The following LMBR1 variants were observed in gnomAD, a reference collection of about 807,000 sequenced individuals.
LMBR1 encodes the protein limb development membrane protein 1, also known as limb region 1 protein homolog.
In LMBR1, 52 loss-of-function variants were observed where a neutral mutation model predicts 73.9. The ratio of observed to expected loss-of-function variants is 0.70; its 90% CI spans 0.56 to 0.89. LMBR1 has a LOEUF of 0.89. LMBR1 is among the 40% of genes least tolerant of loss of function. The pLI is 0.00. For synonymous variants in LMBR1, 215 were observed against 209.4 expected (o/e 1.03, Z -0.23); for missense variants, 539 against 579.8 (o/e 0.93, Z 0.72).
chr7:156,797,880 T>C (rs1233808158), intron 4 of LMBR1, among the ~76,000 whole-genome samples: 1 of 152,176 alleles, frequency 6.6e-6, no homozygotes, highest in Non-Finnish European at 1.5e-5. Context: ...AACAATATCT[T>C]AACATCTTTT....
At chr7:156,884,328 T>A (rs1363936711) in intron 1 of LMBR1, among the ~76,000 whole-genome samples, 1 of 151,584 alleles carries the variant, frequency 6.6e-6, no homozygotes, top group Non-Finnish European at 1.5e-5. Context: ...AACATCAATA[T>A]CAGACAAGAC....
intron 15 of LMBR1, among the ~76,000 whole-genome samples, chr7:156,700,583 C>T (rs534406583): frequency 2.6e-5 from 4 of 152,144 alleles, no homozygotes; most frequent in African/African-American, 9.7e-5. Context: ...TGCTCCAGTT[C>T]GCAACAAGTT....
At chr7:156,826,515 G>T in intron 4 of LMBR1, 90 bp downstream of exon 4, 1 of 913,118 alleles carries the variant, frequency 1.1e-6, no homozygotes, top group Non-Finnish European at 1.5e-6. Flanking sequence ...CACAAATTAT[G>T]AAGAAAACTG....
downstream of LMBR1, among the ~76,000 whole-genome samples, chr7:156,675,131 C>A (rs1227684587): frequency 6.6e-6 from 1 of 152,094 alleles, no homozygotes; most frequent in African/African-American, 2.4e-5. Context: ...GAAGAGGCAG[C>A]GGCGACCCGA....
chr7:156,753,284 C>T (rs1217765350), intron 9 of LMBR1, among the ~76,000 whole-genome samples: 1 of 151,852 alleles, frequency 6.6e-6, no homozygotes, highest in African/African-American at 2.4e-5. Context: ...AAAAATCCTC[C>T]AGAAGGGAGC....
At chr7:156,703,517 C>G (rs1015944150) in intron 15 of LMBR1, among the ~76,000 whole-genome samples, 6 of 152,256 alleles carry the variant, frequency 3.9e-5, no homozygotes, top group Middle Eastern at 3.4e-3. Flanking sequence ...ACAGTCGGAA[C>G]AAGGGAGGGA....
intron 4 of LMBR1, among the ~76,000 whole-genome samples, chr7:156,825,084 A>G (rs1835441639): frequency 6.6e-6 from 1 of 151,558 alleles, no homozygotes; most frequent in African/African-American, 2.4e-5. Context: ...TCACTGACCT[A>G]TAATACAAAT....
At chr7:156,782,815 G>A (rs747044688) in intron 5 of LMBR1, among the ~76,000 whole-genome samples, 5 of 152,190 alleles carry the variant, frequency 3.3e-5, no homozygotes, top group Non-Finnish European at 5.9e-5. Context: ...AAAATGGAGG[G>A]ATTACAGGAA....
intron 1 of LMBR1, among the ~76,000 whole-genome samples, chr7:156,868,960 G>A (rs1054892685): frequency 2.0e-5 from 3 of 152,088 alleles, no homozygotes; most frequent in African/African-American, 7.2e-5. Context: ...GTAAGACCCT[G>A]TCTCGAAAAA....
intron 1 of LMBR1, among the ~76,000 whole-genome samples, chr7:156,887,463 C>CAAAA (rs60786872): frequency 7.6e-5 from 4 of 52,666 alleles, no homozygotes; most frequent in Admixed American, 3.9e-4. Context: ...GACTCCATCT[C>CAAAA]AAAAAAAAAA....
At chr7:156,732,124 CT>C (rs1232001238) in intron 10 of LMBR1, among the ~76,000 whole-genome samples, 4 of 152,004 alleles carry the variant, frequency 2.6e-5, no homozygotes, top group Non-Finnish European at 5.9e-5. Flanking sequence ...TGGACTTCCA[CT>C]TCTGAAGCTG....
chr7:156,677,547 G>A (rs1313288113), downstream of LMBR1, among the ~76,000 whole-genome samples: 3 of 152,206 alleles, frequency 2.0e-5, no homozygotes, highest in Admixed American at 6.5e-5. Context: ...TCCAGCCACA[G>A]TAACTACAAG....
chr7:156,810,663 G>A (rs1250859149), intron 4 of LMBR1, among the ~76,000 whole-genome samples: 1 of 152,036 alleles, frequency 6.6e-6, no homozygotes, highest in Non-Finnish European at 1.5e-5. Flanking sequence ...AAAGTGCTGG[G>A]ATTACAGGTG....
At chr7:156,712,762 G>A (rs1812345037) in intron 15 of LMBR1, among the ~76,000 whole-genome samples, 1 of 152,178 alleles carries the variant, frequency 6.6e-6, no homozygotes, top group South Asian at 2.1e-4. Flanking sequence ...GATACAGAAA[G>A]ACAAATGCTG....
chr7:156,788,162 C>G (rs1338704233), intron 5 of LMBR1, among the ~76,000 whole-genome samples: 4 of 152,148 alleles, frequency 2.6e-5, no homozygotes, highest in African/African-American at 9.7e-5. Flanking sequence ...AGGCCGGGTA[C>G]AGTAGCTCAA....
intron 9 of LMBR1, among the ~76,000 whole-genome samples, chr7:156,755,761 T>C (rs1367321705): frequency 6.6e-6 from 1 of 152,224 alleles, no homozygotes; most frequent in Non-Finnish European, 1.5e-5. Context: ...CTAGAACAGA[T>C]ACAAACTGAA....
intron 4 of LMBR1, among the ~76,000 whole-genome samples, chr7:156,820,653 G>A (rs953218567): frequency 7.2e-5 from 11 of 152,274 alleles, no homozygotes; most frequent in Middle Eastern, 3.4e-3. Context: ...TGAATCTGGC[G>A]CCTCCTGCAT....
chr7:156,748,709 G>C (rs183472820), intron 9 of LMBR1, among the ~76,000 whole-genome samples: 81 of 152,178 alleles, frequency 5.3e-4, no homozygotes, highest in African/African-American at 1.7e-3. Flanking sequence ...GGCTGGTCTT[G>C]AACTCCTTAC....
At chr7:156,880,704 G>A (rs1301117937) in intron 1 of LMBR1, among the ~76,000 whole-genome samples, 2 of 152,110 alleles carry the variant, frequency 1.3e-5, no homozygotes, top group Non-Finnish European at 2.9e-5. Context: ...CAAGGATGGA[G>A]TGCAGTGACA....
Sources: allele counts gnomAD v4.1 joint callset (sites outside exome capture counted in the v4.1 genomes callset), GRCh38; gene constraint gnomAD v4.1.1; transcripts MANE v1.5; gene names NCBI Gene and HGNC (gene_info 2026-07-23, HGNC 2026-07-21).